The following VPS39 variants were observed in gnomAD, a reference collection of about 807,000 sequenced individuals.
VPS39 encodes vam6/Vps39-like protein.
Under a neutral mutation model 121.0 loss-of-function variants are expected in VPS39, and 70 were observed. That is an observed-to-expected ratio of 0.58 (90% CI 0.48 to 0.71). VPS39 has a LOEUF of 0.71. VPS39 is among the 30% of genes least tolerant of loss of function. The pLI, the probability that VPS39 is intolerant of heterozygous loss-of-function variation, is 0.00. For synonymous variants in VPS39, 378 were observed against 398.1 expected (o/e 0.95, Z 0.60); for missense variants, 818 against 1,051.5 (o/e 0.78, Z 3.07).
At chr15:42,192,126 T>C (rs996040107) in intron 2 of VPS39, 50 of 1,536,096 alleles carry the variant, frequency 3.3e-5, no homozygotes, top group Non-Finnish European at 3.8e-5. Context: ...AAGAAAGTTA[T>C]ATACCATAAA....
intron 16 of VPS39, 94 bp from the exon 17 acceptor site, chr15:42,165,910 T>TAGGAGGGCAA: frequency 7.9e-7 from 1 of 1,258,756 alleles, no homozygotes; most frequent in East Asian, 2.4e-5. Flanking sequence ...AAACAGACTT[T>TAGGAGGGCAA]AGGAGGGCAA....
intron 11 of VPS39, among the ~76,000 whole-genome samples, chr15:42,172,836 T>C (rs925067064): frequency 5.9e-5 from 9 of 152,222 alleles, no homozygotes; most frequent in Non-Finnish European, 1.3e-4. Context: ...CTGCTTAATT[T>C]ATCCAGATTC....
Position 42,187,808 on chromosome 15 carries a change from T to C in VPS39, c.391A>G (p.Lys131Glu). ...TTCCAGAAATAGAGCTGCAGCTTCT[T>C]TTTTACTGCCACACACATCCGTAAC... is the stretch of plus-strand genomic sequence containing the variant. Reference protein sequence around the residue: ...EVLRMCVAVKKKLQLYFWKDR... With the variant: ...EVLRMCVAVKEKLQLYFWKDR... The change falls in exon 6 of 25, where the codon AAG becomes GAG. Residue 131 changes from lysine (K) to glutamate (E), a missense_variant. By Grantham distance (56) the Lys-to-Glu change is moderately conservative (BLOSUM62 1). Transcript: ENST00000318006. The C allele has an allele frequency of 1.9e-6, 3 of 1,614,214 alleles. No individual in the cohort carries two copies. Among genetic ancestry groups the C allele is most frequent in the Non-Finnish European group, 2.5e-6 (3 of 1,180,046 alleles).
At chr15:42,195,983 A>G (rs905781585) in intron 2 of VPS39, among the ~76,000 whole-genome samples, 1 of 152,204 alleles carries the variant, frequency 6.6e-6, no homozygotes, top group African/African-American at 2.4e-5. Flanking sequence ...ATAGAGACAA[A>G]TGGAACAGAA....
intron 10 of VPS39, among the ~76,000 whole-genome samples, chr15:42,175,688 C>A (rs926407324): frequency 6.6e-6 from 1 of 151,948 alleles, no homozygotes; most frequent in Non-Finnish European, 1.5e-5. Flanking sequence ...CTGGTCTCCG[C>A]TCTCCTGCTT....
intron 11 of VPS39, among the ~76,000 whole-genome samples, chr15:42,173,071 A>G (rs76192976): frequency 0.014 from 2,084 of 152,358 alleles, 54 homozygotes; most frequent in African/African-American, 0.048. Context: ...AGTTTTGAAT[A>G]TACAGTAATG....
intron 2 of VPS39, among the ~76,000 whole-genome samples, chr15:42,199,338 G>A (rs564424378): frequency 1.2e-4 from 18 of 152,082 alleles, no homozygotes; most frequent in Admixed American, 2.0e-4. Context: ...CAGTTTCTTC[G>A]AGCCTATTAT....
At chr15:42,198,682 T>C (rs1018978639) in intron 2 of VPS39, among the ~76,000 whole-genome samples, 3 of 152,186 alleles carry the variant, frequency 2.0e-5, no homozygotes, top group African/African-American at 7.2e-5. Flanking sequence ...AGATCAACAA[T>C]GTACTGCTCC....
rs117376310 is a variant in VPS39, at chr15:42,172,074, G to A, written c.1090+1649C>T. ...ACATATATCATACATCCCATCCTAT[G>A]TGCTCCTCTTAGGTAACATGACACT... On this transcript the variant is annotated intron_variant, in intron 11 of 24. Transcript: ENST00000318006. Among the ~76,000 whole-genome samples, 800 of 152,268 alleles carry A rather than the reference G, an allele frequency of 5.3e-3. 1 individual carries two copies. Among genetic ancestry groups the A allele is most frequent in the Middle Eastern group, 0.01 (3 of 294 alleles).
intron 19 of VPS39, among the ~76,000 whole-genome samples, 161 bp downstream of exon 19, chr15:42,164,197 A>G (rs1377523670): frequency 6.6e-6 from 1 of 152,232 alleles, no homozygotes; most frequent in Non-Finnish European, 1.5e-5. Context: ...GTCACGGTAC[A>G]AAAGTGAGTC....
At chr15:42,189,927 C>T (rs893965855) in intron 4 of VPS39, among the ~76,000 whole-genome samples, 8 of 150,634 alleles carry the variant, frequency 5.3e-5, no homozygotes, top group African/African-American at 1.5e-4. Context: ...GATCCTCCTA[C>T]CTCAGCCTCC....
At chr15:42,189,242 G>T (rs1279748598) in intron 4 of VPS39, 34 bp from the exon 5 acceptor site, 1 of 1,552,208 alleles carries the variant, frequency 6.4e-7, no homozygotes, top group South Asian at 1.1e-5. Flanking sequence ...CAGGATCAAT[G>T]ATCATAATTC....
chr15:42,195,115 ATGAACAAATCT>A (rs1260317213), intron 2 of VPS39, among the ~76,000 whole-genome samples: 12 of 152,160 alleles, frequency 7.9e-5, no homozygotes, highest in African/African-American at 2.7e-4. Flanking sequence ...GGCCTCAGAC[ATGAACAAATCT>A]AAGCCCTCTC....
chr15:42,194,690 G>A (rs1161877349), intron 2 of VPS39, among the ~76,000 whole-genome samples: 1 of 151,660 alleles, frequency 6.6e-6, no homozygotes, highest in Admixed American at 6.6e-5. Flanking sequence ...TCATGATTGC[G>A]CCACTGCACT....
rs1222168764 is a variant in VPS39, at chr15:42,184,716, G to C, written c.535-16C>G. 6.3e-7 allele frequency: 1 copy of C among 1,599,112 alleles called. No individual in the cohort carries two copies. Among genetic ancestry groups the C allele is most frequent in the South Asian group, 1.1e-5 (1 of 88,420 alleles). ...TTCCATCCACCTATAGGAAGAAACAGAGTGAGTCACCTAGCATTCCCCAGC... is the reference window on the plus strand; with the variant it reads ...TTCCATCCACCTATAGGAAGAAACACAGTGAGTCACCTAGCATTCCCCAGC... On this transcript the variant is annotated splice_polypyrimidine_tract_variant and intron_variant, in intron 7 of 24. Transcript: ENST00000318006.
intron 8 of VPS39, chr15:42,178,780 G>A (rs1039486038): frequency 1.5e-5 from 9 of 594,582 alleles, no homozygotes; most frequent in Non-Finnish European, 1.7e-5. Context: ...AGGTGGGAAG[G>A]TCACGTAGGC....
intron 12 of VPS39, 29 bp from the exon 13 acceptor site, chr15:42,167,566 C>A (rs888412745): frequency 1.2e-6 from 2 of 1,611,198 alleles, no homozygotes; most frequent in Non-Finnish European, 1.7e-6. Context: ...GGGGTTAAGG[C>A]CAGGACTAAG....
chr15:42,184,465 T>C, intron 8 of VPS39, 52 bp downstream of exon 8: 1 of 1,528,252 alleles, frequency 6.5e-7, no homozygotes, highest in Non-Finnish European at 8.8e-7. Flanking sequence ...TCTGCAGGAA[T>C]GGCACACAAC....
chr15:42,165,546 C>A, intron 17 of VPS39, 172 bp downstream of exon 17: 2 of 559,246 alleles, frequency 3.6e-6, no homozygotes, highest in South Asian at 2.5e-5. Context: ...TGGTAGGTAG[C>A]ATTTCCAGCT....
Sources: allele counts gnomAD v4.1 joint callset (sites outside exome capture counted in the v4.1 genomes callset), GRCh38; gene constraint gnomAD v4.1.1; transcripts MANE v1.5; gene names NCBI Gene and HGNC (gene_info 2026-07-23, HGNC 2026-07-21).